The following PLCB1 variants were observed in gnomAD, a reference collection of about 807,000 sequenced individuals.
PLCB1 encodes phospholipase C beta 1.
A neutral mutation model predicts 161.8 loss-of-function variants in PLCB1; 46 were observed. The observed-to-expected ratio is 0.28, with a 90% CI of 0.22 to 0.36. The LOEUF (loss-of-function observed/expected upper bound fraction) is 0.36, where lower values mean the gene tolerates loss of function less well. Among genes scored for constraint, PLCB1 ranks in the 10% least tolerant of loss-of-function variants. The pLI is 1.00. For synonymous variants in PLCB1, 517 were observed against 503.7 expected (o/e 1.03, Z -0.35); for missense variants, 1,016 against 1,472.5 (o/e 0.69, Z 5.07).
At chr20:8,823,952 C>T (rs964864986) in intron 31 of PLCB1, among the ~76,000 whole-genome samples, 2 of 151,942 alleles carry the variant, frequency 1.3e-5, no homozygotes, top group East Asian at 1.9e-4. Flanking sequence ...TCCTGGTTCT[C>T]GGTGGGTTTG....
In PLCB1 at chr20:8,132,686, A is replaced by T. The variant is rs770148573; in HGVS notation, c.35A>T (p.Gln12Leu). 6.2e-7 allele frequency: 1 copy of T among 1,612,726 alleles called. No homozygotes were observed. The highest frequency in any genetic ancestry group is 8.5e-7 in the Non-Finnish European group (1 of 1,179,292). The change falls in exon 1 of 32, where the codon CAA becomes CTA. Residue 12 changes from glutamine to leucine, a missense_variant. Transcript: ENST00000338037. The surrounding 1 kb of genome is among the most constrained non-coding windows in gnomAD (Gnocchi z 5.2). ...AGAQPGVHALQLKPVCVSDSL... is the reference protein window; with the variant it reads ...AGAQPGVHALLLKPVCVSDSL... Reference sequence around the variant, plus strand: ...GCTCAACCCGGAGTGCACGCCTTGCAACTCAAGCCCGTGTGCGTGTCCGAC... The same window carrying T: ...GCTCAACCCGGAGTGCACGCCTTGCTACTCAAGCCCGTGTGCGTGTCCGAC...
At chr20:8,480,145 T>C (rs558280240) in intron 3 of PLCB1, among the ~76,000 whole-genome samples, 1 of 152,174 alleles carries the variant, frequency 6.6e-6, no homozygotes, top group South Asian at 2.1e-4. Context: ...TAGAACATGG[T>C]TTTCCAGGTT....
chr20:8,519,620 G>A lies in PLCB1; in HGVS notation c.247-108674G>A, dbSNP rs975166540. On this transcript the variant is annotated intron_variant, in intron 3 of 31. Coordinates refer to ENST00000338037, the MANE Select transcript of PLCB1 (RefSeq NM_015192.4). ...TTGTATAATTGCCTAGTTTCCCAGG[G>A]TAAATAAAGGCAGGAGACACATTCA... 3.9e-5 allele frequency among the ~76,000 whole-genome samples: 6 copies of A among 152,104 alleles called. 1 individual carries two copies. The highest frequency in any genetic ancestry group is 1.4e-4 in the African/African-American group (6 of 41,500).
In PLCB1 at chr20:8,882,734, G is replaced by A. The variant is rs905804360; in HGVS notation, c.*885G>A. On this transcript the variant is annotated 3_prime_UTR_variant, in exon 32 of 32. Coordinates refer to ENST00000338037, the MANE Select transcript of PLCB1 (RefSeq NM_015192.4). ...TATTCAATCAGAATGAACAGGTTCC[G>A]GTGGTTATTTTGCCGTTTGACATTT... The A allele has an allele frequency of 3.3e-5, 5 of 152,256 alleles. No individual in the cohort carries two copies. The highest frequency in any genetic ancestry group is 1.3e-4 in the Admixed American group (2 of 15,298). 9.4% of individuals were successfully genotyped at this position (152,256 alleles called of 1,614,324 possible). A position where few individuals can be genotyped will look rare whatever the true frequency, so the allele number is the denominator to read the frequency against.
chr20:8,860,035 CTG>C (rs1007609268), intron 31 of PLCB1, among the ~76,000 whole-genome samples: 34 of 152,186 alleles, frequency 2.2e-4, no homozygotes, highest in African/African-American at 7.9e-4. Context: ...TAATTGGAGA[CTG>C]TGGAGTCAGA....
intron 3 of PLCB1, among the ~76,000 whole-genome samples, chr20:8,540,218 GT>G (rs1377982606): frequency 1.3e-5 from 2 of 152,158 alleles, no homozygotes; most frequent in East Asian, 3.9e-4. Context: ...TTCTCATTTA[GT>G]TTTGGTGCCT....
chr20:8,307,896 C>A (rs1213976914), intron 2 of PLCB1, among the ~76,000 whole-genome samples: 1 of 151,880 alleles, frequency 6.6e-6, no homozygotes, highest in Admixed American at 6.6e-5. Flanking sequence ...GCACTCCAGC[C>A]TGGGCAACAG....
chr20:8,517,674 A>G (rs1317540343), intron 3 of PLCB1, among the ~76,000 whole-genome samples: 1 of 152,164 alleles, frequency 6.6e-6, no homozygotes, highest in Non-Finnish European at 1.5e-5. Context: ...ACTGAATAGG[A>G]TGGGACCGGG....
chr20:8,622,000 A>G (rs1988197159), intron 3 of PLCB1, among the ~76,000 whole-genome samples: 1 of 152,068 alleles, frequency 6.6e-6, no homozygotes, highest in Admixed American at 6.6e-5. Flanking sequence ...AGAGAACTGA[A>G]CAGAGTCAGC....
chr20:8,539,661 T>TTTCC (rs1985216248), intron 3 of PLCB1, among the ~76,000 whole-genome samples: 1 of 93,770 alleles, frequency 1.1e-5, no homozygotes, highest in East Asian at 2.7e-4. Context: ...TCTTTCTTTC[T>TTTCC]TTCTTTCTTT....
intron 3 of PLCB1, among the ~76,000 whole-genome samples, chr20:8,436,446 C>G (rs201041152): frequency 3.5e-5 from 2 of 56,622 alleles, no homozygotes; most frequent in Non-Finnish European, 7.0e-5. Context: ...AAAAAAAAAA[C>G]AAGACAACAA....
At chr20:8,349,246 TAGAC>T (rs1986100266) in intron 2 of PLCB1, among the ~76,000 whole-genome samples, 1 of 152,162 alleles carries the variant, frequency 6.6e-6, no homozygotes, top group Non-Finnish European at 1.5e-5. Context: ...AAGGAAAGAT[TAGAC>T]AGGTGACAAG....
intron 3 of PLCB1, among the ~76,000 whole-genome samples, chr20:8,474,999 TCACACACACAGACACACACACACA>T (rs1410339853): frequency 3.5e-5 from 5 of 141,534 alleles, no homozygotes; most frequent in Admixed American, 7.1e-5. Context: ...AAAAACAAGA[TCACACACACAGACACACACACACA>T]CACACACACA....
At chr20:8,262,101 C>A (rs944302525) in intron 2 of PLCB1, among the ~76,000 whole-genome samples, 2 of 151,986 alleles carry the variant, frequency 1.3e-5, no homozygotes, top group Non-Finnish European at 2.9e-5. Context: ...CTTGCTCTGT[C>A]AGAGTCTTGC....
intron 3 of PLCB1, among the ~76,000 whole-genome samples, chr20:8,424,941 A>G (rs553321375): frequency 2.6e-5 from 4 of 152,260 alleles, no homozygotes; most frequent in African/African-American, 7.2e-5. Context: ...CTTGGGTTCA[A>G]ATACCCCCTA....
chr20:8,644,818 T>TG (rs1989110298), intron 4 of PLCB1, among the ~76,000 whole-genome samples: 1 of 152,102 alleles, frequency 6.6e-6, no homozygotes, highest in African/African-American at 2.4e-5. Flanking sequence ...CCACCCCGTC[T>TG]GGGAGGTGTA....
intron 3 of PLCB1, among the ~76,000 whole-genome samples, chr20:8,562,747 T>G (rs1986183695): frequency 1.3e-5 from 2 of 152,094 alleles, no homozygotes; most frequent in Non-Finnish European, 2.9e-5. Flanking sequence ...GTAATATGAC[T>G]TCATGTGGGG....
At chr20:8,455,483 C>T (rs1337794491) in intron 3 of PLCB1, among the ~76,000 whole-genome samples, 1 of 132,778 alleles carries the variant, frequency 7.5e-6, no homozygotes, top group African/African-American at 3.0e-5. Context: ...CTCTGTCACC[C>T]AGGCTAGAGT....
chr20:8,420,395 T>A (rs966701955), intron 3 of PLCB1, among the ~76,000 whole-genome samples: 16 of 152,316 alleles, frequency 1.1e-4, no homozygotes, highest in Admixed American at 3.3e-4. Flanking sequence ...TTTTTTAAAA[T>A]TCTTGGATTC....
Sources: allele counts gnomAD v4.1 joint callset (sites outside exome capture counted in the v4.1 genomes callset), GRCh38; gene constraint gnomAD v4.1.1; non-coding constraint Gnocchi (gnomAD v3.1); transcripts MANE v1.5; gene names NCBI Gene and HGNC (gene_info 2026-07-23, HGNC 2026-07-21).